The following BICC1 variants were observed in gnomAD, a reference collection of about 807,000 sequenced individuals.
The protein encoded by BICC1 is BicC family RNA binding protein 1, also known as protein bicaudal C homolog 1.
In BICC1, 43 loss-of-function variants were observed where a neutral mutation model predicts 111.0. The observed-to-expected ratio is 0.39, with a 90% CI of 0.30 to 0.50. The LOEUF (loss-of-function observed/expected upper bound fraction) is 0.50. Ranked by LOEUF, BICC1 falls within the 20% of genes least tolerant of loss-of-function variation. The probability of loss-of-function intolerance (pLI) is 0.88; values close to 1 mark genes in which losing one functional copy is unlikely to be tolerated. For synonymous variants in BICC1, 467 were observed against 434.4 expected, an observed-to-expected ratio of 1.07 and a Z score of -0.93; for missense variants, 1,091 against 1,203.2, an observed-to-expected ratio of 0.91 and a Z score of 1.38.
intron 13 of BICC1, 46 bp from the exon 14 acceptor site, chr10:58,800,844 G>A (rs750656209): frequency 1.4e-5 from 21 of 1,528,172 alleles, no homozygotes; most frequent in African/African-American, 4.2e-5. Flanking sequence ...CAACTGGAAG[G>A]TGATGTTGTT....
At chr10:58,598,719 C>G (rs939016313) in intron 1 of BICC1, among the ~76,000 whole-genome samples, 1 of 152,036 alleles carries the variant, frequency 6.6e-6, no homozygotes, top group Non-Finnish European at 1.5e-5. Context: ...AGTGAACAGG[C>G]AACCTACAGA....
intron 3 of BICC1, among the ~76,000 whole-genome samples, chr10:58,744,339 A>G (rs1459217401): frequency 6.6e-6 from 1 of 152,104 alleles, no homozygotes; most frequent in Non-Finnish European, 1.5e-5. Context: ...GTTTTGGCAT[A>G]TATCTTTCCC....
chr10:58,664,657 A>G (rs1588991212), intron 2 of BICC1, among the ~76,000 whole-genome samples: 1 of 149,600 alleles, frequency 6.7e-6, no homozygotes, highest in Non-Finnish European at 1.5e-5. Flanking sequence ...GGTCTATTTC[A>G]TTTGACTATG....
intron 3 of BICC1, among the ~76,000 whole-genome samples, chr10:58,736,269 G>T (rs1325267709): frequency 6.6e-6 from 1 of 152,050 alleles, no homozygotes; most frequent in Admixed American, 6.6e-5. Flanking sequence ...GATGCAGTGG[G>T]ATATACCACC....
chr10:58,725,682 G>A (rs946409620), intron 3 of BICC1, among the ~76,000 whole-genome samples: 1 of 152,110 alleles, frequency 6.6e-6, no homozygotes, highest in East Asian at 1.9e-4. Context: ...TTTTTCAGAT[G>A]GTGAGCCTGT....
chr10:58,660,030 T>A (rs1838789585), intron 2 of BICC1, among the ~76,000 whole-genome samples: 1 of 152,192 alleles, frequency 6.6e-6, no homozygotes, highest in African/African-American at 2.4e-5. Context: ...GCCTAAACAA[T>A]GAGCTAGTTA....
Position 58,513,036 on chromosome 10 carries a change from G to C in BICC1, c.-108G>C, listed in dbSNP as rs928941313. 1 of 819,894 alleles carries C rather than the reference G, an allele frequency of 1.2e-6. No homozygotes were observed. The allele number at this position is 819,894 out of a possible 1,614,324, so 50.8% of individuals were successfully genotyped here. ...GTGGCGTCGGCGGCTGCAGGGGGAC[G>C]AGCTAGCGCCGCGGCGCTGGGAGCC... On this transcript the variant is annotated 5_prime_UTR_variant, in exon 1 of 21. Transcript: ENST00000373886.
At chr10:58,622,638 A>G (rs956187971) in intron 2 of BICC1, among the ~76,000 whole-genome samples, 10 of 152,188 alleles carry the variant, frequency 6.6e-5, no homozygotes, top group African/African-American at 2.4e-4. Context: ...TTCCATAGAT[A>G]GGTGTCCGTA....
At chr10:58,685,175 G>C (rs1018477857) in intron 2 of BICC1, among the ~76,000 whole-genome samples, 1 of 152,044 alleles carries the variant, frequency 6.6e-6, no homozygotes. Context: ...TGTAGTTGAG[G>C]GGTTTTGAGT....
rs1349533829 is a variant in BICC1, at chr10:58,531,572, C to T, written c.190+18239C>T. On this transcript the variant is annotated intron_variant, in intron 1 of 20. Coordinates refer to ENST00000373886, the MANE Select transcript of BICC1 (RefSeq NM_001080512.3). ...CAATCAGAAGAACAAAATAACTGTC[C>T]GTAAACTGACCCAAAAGAAATGGAG... is the stretch of plus-strand genomic sequence containing the variant. Among the ~76,000 whole-genome samples the T allele has an allele frequency of 7.9e-5, 12 of 151,708 alleles. No individual in the cohort carries two copies. The East Asian group carries it at 2.0e-3, about 25-fold the overall frequency.
At chr10:58,761,045 A>G (rs2132681690) in intron 3 of BICC1, among the ~76,000 whole-genome samples, 1 of 152,102 alleles carries the variant, frequency 6.6e-6, no homozygotes, top group South Asian at 2.1e-4. Flanking sequence ...TTTAATAGAG[A>G]CAGGGTTTCA....
intron 2 of BICC1, among the ~76,000 whole-genome samples, chr10:58,690,671 T>C (rs1237086885): frequency 6.6e-6 from 1 of 152,158 alleles, no homozygotes; most frequent in Non-Finnish European, 1.5e-5. Context: ...CATAAAAGTT[T>C]CTCTCTTTTT....
chr10:58,665,239 A>G (rs943384868), intron 2 of BICC1, among the ~76,000 whole-genome samples: 8 of 152,148 alleles, frequency 5.3e-5, no homozygotes, highest in Admixed American at 3.9e-4. Context: ...CTCAAAAACA[A>G]CCATTTTTGA....
chr10:58,660,258 G>T (rs139750338), intron 2 of BICC1, among the ~76,000 whole-genome samples: 1 of 151,988 alleles, frequency 6.6e-6, no homozygotes, highest in Non-Finnish European at 1.5e-5. Flanking sequence ...TCTTCTCCCC[G>T]ACAACACAGG....
At chr10:58,594,431 C>A (rs1844743581) in intron 1 of BICC1, among the ~76,000 whole-genome samples, 1 of 152,062 alleles carries the variant, frequency 6.6e-6, no homozygotes, top group Admixed American at 6.5e-5. Flanking sequence ...TTTTGAGATT[C>A]TCCAAGTTGA....
intron 1 of BICC1, among the ~76,000 whole-genome samples, chr10:58,516,935 G>T (rs1438007601): frequency 6.6e-6 from 1 of 152,106 alleles, no homozygotes; most frequent in African/African-American, 2.4e-5. Flanking sequence ...GAGAATCAGA[G>T]ATACAGTCTT....
chr10:58,687,375 G>A (rs1225170535), intron 2 of BICC1, among the ~76,000 whole-genome samples: 2 of 152,244 alleles, frequency 1.3e-5, no homozygotes, highest in Admixed American at 6.5e-5. Context: ...CATGCTGGGA[G>A]AACCACTACT....
At chr10:58,789,099 G>GAA (rs1340662929) in intron 6 of BICC1, among the ~76,000 whole-genome samples, 163 bp from the exon 7 acceptor site, 1 of 149,452 alleles carries the variant, frequency 6.7e-6, no homozygotes, top group Non-Finnish European at 1.5e-5. Flanking sequence ...TCAAAAAACA[G>GAA]AAAGGAAAAA....
chr10:58,693,079 C>T (rs1839960221), intron 2 of BICC1, among the ~76,000 whole-genome samples: 1 of 151,992 alleles, frequency 6.6e-6, no homozygotes, highest in African/African-American at 2.4e-5. Flanking sequence ...TCTCATTGTT[C>T]AATTCCCACC....
Sources: allele counts gnomAD v4.1 joint callset (sites outside exome capture counted in the v4.1 genomes callset), GRCh38; gene constraint gnomAD v4.1.1; transcripts MANE v1.5; gene names NCBI Gene and HGNC (gene_info 2026-07-23, HGNC 2026-07-21).